LPP: variants seen among roughly 807,000 people sequenced by gnomAD.
LPP encodes LIM domain containing preferred translocation partner in lipoma.
LPP carries 38 observed loss-of-function variants against 60.4 expected under a neutral mutation model. That is an observed-to-expected ratio of 0.63 (90% CI 0.49 to 0.83). The LOEUF (loss-of-function observed/expected upper bound fraction) is 0.83. Ranked by LOEUF, LPP falls within the 40% of genes least tolerant of loss-of-function variation. The probability of loss-of-function intolerance (pLI) is 0.00; values close to 1 mark genes in which losing one functional copy is unlikely to be tolerated. For missense variants in LPP, 902 were observed against 783.6 expected (o/e 1.15, Z -1.80); for synonymous variants, 328 against 290.8 (o/e 1.13, Z -1.30).
intron 8 of LPP, among the ~76,000 whole-genome samples, chr3:188,719,636 G>A (rs1310293867): frequency 6.6e-6 from 1 of 152,172 alleles, no homozygotes; most frequent in Non-Finnish European, 1.5e-5. Context: ...GTCTCAGTTT[G>A]GTACTGGTAC....
At chr3:188,819,095 C>G (rs925836671) in intron 9 of LPP, among the ~76,000 whole-genome samples, 1 of 150,882 alleles carries the variant, frequency 6.6e-6, no homozygotes, top group African/African-American at 2.4e-5. Context: ...TTTGCCATCT[C>G]TTCCTGTATG....
At chr3:188,504,026 C>T (rs910185829) in intron 5 of LPP, among the ~76,000 whole-genome samples, 1 of 151,980 alleles carries the variant, frequency 6.6e-6, no homozygotes, top group Admixed American at 6.6e-5. Flanking sequence ...CAAGTATTGT[C>T]CCTGCCTTTT....
chr3:188,652,223 C>T (rs139404980), intron 7 of LPP, among the ~76,000 whole-genome samples: 7 of 152,298 alleles, frequency 4.6e-5, no homozygotes, highest in East Asian at 3.9e-4. Context: ...GACATTATTG[C>T]GCATGCTGCC....
At chr3:188,667,858 G>T (rs80137208) in intron 7 of LPP, among the ~76,000 whole-genome samples, 4,676 of 151,460 alleles carry the variant, frequency 0.031, 242 homozygotes, top group African/African-American at 0.11. Context: ...AATTTGTGCA[G>T]CTCCTTTTTC....
At chr3:188,384,789 CAAAAAAAAAAAAAAAAAAAAAAAA>C (rs561284077) in intron 3 of LPP, among the ~76,000 whole-genome samples, 2 of 51,452 alleles carry the variant, frequency 3.9e-5, no homozygotes, top group African/African-American at 1.6e-4. Context: ...GACTCTGTCT[CAAAAAAAAAAAAAAAAAAAAAAAA>C]AAAAAAAAAA....
rs116279032 is a variant in LPP at position 188,800,623 on chromosome 3, T to G, written c.1410+40341T>G. 8.6e-3 allele frequency among the ~76,000 whole-genome samples: 1,311 copies of G among 152,318 alleles called. 18 individuals carry two copies. The highest frequency in any genetic ancestry group is 0.03 in the African/African-American group (1,250 of 41,580). ...TGTATGTTTCCATTTTGATACCTAC[T>G]GAAATAGCTCTCCAAAAGTGAAACC... On this transcript the variant is annotated intron_variant, in intron 9 of 11. Transcript: ENST00000617246.
intron 1 of LPP, among the ~76,000 whole-genome samples, chr3:188,158,449 T>G (rs993627324): frequency 4.6e-5 from 7 of 152,104 alleles, no homozygotes; most frequent in African/African-American, 1.7e-4. Context: ...GCCTGGAGGC[T>G]TGGAGAAAAA....
intron 7 of LPP, among the ~76,000 whole-genome samples, chr3:188,629,840 G>A (rs1847534375): frequency 6.6e-6 from 1 of 152,062 alleles, no homozygotes; most frequent in Non-Finnish European, 1.5e-5. Context: ...TAAACTGCAA[G>A]ACTGCAGTAA....
Position 188,609,893 on chromosome 3 carries a change from A to T in LPP, c.1113+49A>T, listed in dbSNP as rs1356948138. ...AGGAGAATACAGGGGTGCCTATCTTAGTCTGCCTTCCCCAGGAAGCGAAGC... is the reference window on the plus strand; with the variant it reads ...AGGAGAATACAGGGGTGCCTATCTTTGTCTGCCTTCCCCAGGAAGCGAAGC... On this transcript the variant is annotated intron_variant, in intron 7 of 11. Transcript: ENST00000617246. This position sits in a 1 kb window ranked among gnomAD's most constrained non-coding sequence, Gnocchi z 6.9. 1.3e-6 allele frequency: 2 copies of T among 1,533,644 alleles called. No homozygotes were observed. The highest frequency in any genetic ancestry group is 2.8e-5 in the African/African-American group (2 of 72,180).
At chr3:188,513,139 T>C (rs1297891790) in intron 5 of LPP, among the ~76,000 whole-genome samples, 1 of 152,238 alleles carries the variant, frequency 6.6e-6, no homozygotes, top group Non-Finnish European at 1.5e-5. Flanking sequence ...TAGATGATCT[T>C]ATGGATATCT....
intron 8 of LPP, chr3:188,743,930 TTCTTTC>T (rs1195187767): frequency 6.6e-6 from 1 of 151,868 alleles, no homozygotes; most frequent in African/African-American, 2.4e-5. Context: ...GGCATGCGTC[TTCTTTC>T]TCTTTAGAGT....
chr3:188,545,080 A>AATATCACAC (rs1485240740), intron 6 of LPP, among the ~76,000 whole-genome samples: 1 of 96,632 alleles, frequency 1.0e-5, no homozygotes, highest in Non-Finnish European at 2.0e-5. Context: ...CAGGAAGGGG[A>AATATCACAC]ATATCACACT....
chr3:188,602,835 T>G (rs1280523470), intron 6 of LPP, among the ~76,000 whole-genome samples: 1 of 151,804 alleles, frequency 6.6e-6, no homozygotes, highest in East Asian at 1.9e-4. Context: ...CACTAAATTC[T>G]AAACAGTGGT....
chr3:188,374,633 A>G (rs1023267493), intron 3 of LPP, among the ~76,000 whole-genome samples: 13 of 152,170 alleles, frequency 8.5e-5, no homozygotes, highest in Non-Finnish European at 1.5e-4. Flanking sequence ...TTCTAGATAT[A>G]CAATCATGTC....
chr3:188,433,039 C>T (rs1791340697), intron 4 of LPP, among the ~76,000 whole-genome samples: 1 of 152,142 alleles, frequency 6.6e-6, no homozygotes, highest in African/African-American at 2.4e-5. Context: ...CTGGAGGACT[C>T]TTGCCAAGAA....
chr3:188,210,848 AC>A (rs1053425408), intron 1 of LPP, among the ~76,000 whole-genome samples: 84 of 151,770 alleles, frequency 5.5e-4, no homozygotes, highest in African/African-American at 1.9e-3. Context: ...AATGAAGACC[AC>A]CCCTTTTTGC....
intron 6 of LPP, among the ~76,000 whole-genome samples, chr3:188,563,486 G>GTGTGTGTGTGTGTGTGTGT (rs1553929550): frequency 1.2e-5 from 1 of 84,644 alleles, no homozygotes; most frequent in Admixed American, 1.3e-4. Context: ...GTGTGTGTGT[G>GTGTGTGTGTGTGTGTGTGT]GTATATTATC....
intron 9 of LPP, among the ~76,000 whole-genome samples, chr3:188,801,078 A>G (rs1013983482): frequency 2.6e-5 from 4 of 152,156 alleles, no homozygotes; most frequent in African/African-American, 9.6e-5. Context: ...ATCGAACAGA[A>G]TAGACCAATT....
At chr3:188,359,632 T>A (rs1166714825) in intron 3 of LPP, among the ~76,000 whole-genome samples, 5 of 152,182 alleles carry the variant, frequency 3.3e-5, no homozygotes, top group African/African-American at 7.2e-5. Flanking sequence ...AACTACCCAG[T>A]GGAGTCAGGA....
Sources: gnomAD v4.1 joint callset for allele counts (sites outside exome capture counted in the v4.1 genomes callset) on GRCh38, gnomAD v4.1.1 for gene constraint, Gnocchi (gnomAD v3.1) non-coding constraint, MANE v1.5 for transcripts, NCBI Gene and HGNC (gene_info 2026-07-23, HGNC 2026-07-21) for gene names.